Variants in SLC9B1 observed in about 807,000 individuals in gnomAD.
SLC9B1 encodes the protein sodium/hydrogen exchanger 9B1.
A neutral mutation model predicts 51.7 loss-of-function variants in SLC9B1; 32 were observed. The ratio of observed to expected loss-of-function variants is 0.62; its 90% CI spans 0.47 to 0.83. The LOEUF (loss-of-function observed/expected upper bound fraction) is 0.83. Among genes scored for constraint, SLC9B1 ranks in the 40% least tolerant of loss-of-function variants. The pLI is 0.00. For missense variants in SLC9B1, 406 were observed against 613.2 expected (o/e 0.66, Z 3.57); for synonymous variants, 145 against 212.7 (o/e 0.68, Z 2.77).
downstream of SLC9B1, among the ~76,000 whole-genome samples, chr4:102,895,995 G>T (rs1156829095): frequency 6.6e-6 from 1 of 152,116 alleles, no homozygotes; most frequent in African/African-American, 2.4e-5. Context: ...GTTAAACATT[G>T]CCCAGACATG....
intron 3 of SLC9B1, chr4:102,962,293 T>C (rs535660676): frequency 5.6e-6 from 3 of 539,802 alleles, no homozygotes; most frequent in South Asian, 4.1e-5. Context: ...TTGATAAATC[T>C]ATGTATGCTA....
intron 3 of SLC9B1, among the ~76,000 whole-genome samples, chr4:102,976,236 G>A (rs1206423225): frequency 1.3e-5 from 2 of 152,158 alleles, no homozygotes; most frequent in East Asian, 1.9e-4. Context: ...AGTTACGGTC[G>A]TTTTCATACT....
chr4:102,974,392 A>G (rs1444017690), intron 3 of SLC9B1, among the ~76,000 whole-genome samples: 2 of 151,968 alleles, frequency 1.3e-5, no homozygotes, highest in Non-Finnish European at 2.9e-5. Flanking sequence ...TTCTTTGAAA[A>G]GAATAATAAA....
intron 3 of SLC9B1, among the ~76,000 whole-genome samples, chr4:102,974,134 G>T (rs1257639369): frequency 6.6e-6 from 1 of 151,132 alleles, no homozygotes; most frequent in Non-Finnish European, 1.5e-5. Flanking sequence ...CTACTCAGGA[G>T]GCTGAGGCAG....
At chr4:102,980,252 C>A (rs1178478787) in intron 3 of SLC9B1, among the ~76,000 whole-genome samples, 1 of 152,096 alleles carries the variant, frequency 6.6e-6, no homozygotes, top group African/African-American at 2.4e-5. Flanking sequence ...TGGGTATATA[C>A]CCAAAGGAAT....
At chr4:102,897,957 A>G (rs1240401983), downstream of SLC9B1, 1 of 376,526 alleles carries the variant, frequency 2.7e-6, no homozygotes, top group Non-Finnish European at 5.2e-6. Flanking sequence ...GTTCATGTAG[A>G]AGGTCAAGAA....
chr4:102,892,106 TG>T (rs1433517903), intron 11 of SLC9B1: 1 of 152,224 alleles, frequency 6.6e-6, no homozygotes, highest in Non-Finnish European at 1.5e-5. Context: ...TCACCCAGGC[TG>T]GAGTGCGGGG....
At chr4:102,902,190 T>C (rs1350298914) in intron 11 of SLC9B1, among the ~76,000 whole-genome samples, 1 of 152,150 alleles carries the variant, frequency 6.6e-6, no homozygotes, top group African/African-American at 2.4e-5. Context: ...TCTTTGTGTT[T>C]AATAATCTAG....
intron 3 of SLC9B1, among the ~76,000 whole-genome samples, chr4:102,975,178 AG>A (rs1738986799): frequency 6.6e-6 from 1 of 151,962 alleles, no homozygotes; most frequent in African/African-American, 2.4e-5. Context: ...ATTTTAAAAA[AG>A]TTTTTATTTT....
intron 6 of SLC9B1, among the ~76,000 whole-genome samples, chr4:102,935,014 C>T (rs575219577): frequency 1.3e-5 from 2 of 151,898 alleles, no homozygotes; most frequent in South Asian, 2.1e-4. Flanking sequence ...TGTGTATTGG[C>T]AATTCTGTCT....
At chr4:103,016,949 T>G (rs1156714602) in intron 1 of SLC9B1, 1 of 152,214 alleles carries the variant, frequency 6.6e-6, no homozygotes, top group East Asian at 1.9e-4. Flanking sequence ...CCTTGCACTC[T>G]GCACAGAGCT....
chr4:102,913,322 C>A (rs1218689315), intron 7 of SLC9B1, among the ~76,000 whole-genome samples: 2 of 152,132 alleles, frequency 1.3e-5, no homozygotes, highest in South Asian at 2.1e-4. Context: ...ACCTGCAGTG[C>A]CACAGACAGA....
In SLC9B1 at chr4:102,945,287, A is replaced by G. The variant is rs1305410467; in HGVS notation, c.559T>C (p.Leu187=). 1.3e-6 allele frequency: 2 copies of G among 1,599,294 alleles called. No homozygotes were observed. Among genetic ancestry groups the G allele is most frequent in the South Asian group, 1.1e-5 (1 of 88,676 alleles). The change falls in exon 6 of 12, where the codon TTG becomes CTG. Residue 187 remains leucine (L), a synonymous_variant. Coordinates refer to ENST00000296422, the MANE Select transcript of SLC9B1 (RefSeq NM_139173.4). Reference sequence around the variant, plus strand: ...TCCATAAGGCATGGACCTACAGCCAATCTGAAACAAACGACCTTCAAATGC... The same window carrying G: ...TCCATAAGGCATGGACCTACAGCCAGTCTGAAACAAACGACCTTCAAATGC... ...LRHLKVVCFR[L]AVGPCLMEAS...
At chr4:102,951,121 T>G (rs1331492245) in intron 3 of SLC9B1, among the ~76,000 whole-genome samples, 2 of 152,214 alleles carry the variant, frequency 1.3e-5, no homozygotes, top group African/African-American at 4.8e-5. Flanking sequence ...TGGCAAAGTC[T>G]TTTTTGAGAA....
chr4:102,961,399 T>C (rs1284438713), intron 3 of SLC9B1, among the ~76,000 whole-genome samples: 1 of 152,280 alleles, frequency 6.6e-6, no homozygotes, highest in Non-Finnish European at 1.5e-5. Context: ...CTGTCTCAAA[T>C]CTCCCCAGCC....
At chr4:102,926,299 G>C (rs1736170474) in intron 7 of SLC9B1, among the ~76,000 whole-genome samples, 1 of 152,194 alleles carries the variant, frequency 6.6e-6, no homozygotes, top group African/African-American at 2.4e-5. Context: ...AAAAGAGGAA[G>C]TCAAATTGTC....
intron 1 of SLC9B1, among the ~76,000 whole-genome samples, chr4:102,992,822 A>G (rs1014792856): frequency 7.2e-5 from 11 of 152,322 alleles, no homozygotes; most frequent in Admixed American, 6.5e-4. Context: ...TATAAAGGAA[A>G]GAGGTTGAAT....
intron 7 of SLC9B1, among the ~76,000 whole-genome samples, chr4:102,928,728 G>A (rs1225776582): frequency 2.0e-5 from 3 of 151,974 alleles, no homozygotes; most frequent in Admixed American, 1.3e-4. Context: ...CCCACAACAC[G>A]TCTGCAAGTT....
intron 3 of SLC9B1, among the ~76,000 whole-genome samples, chr4:102,961,585 G>C (rs1345684850): frequency 6.6e-6 from 1 of 152,108 alleles, no homozygotes; most frequent in Non-Finnish European, 1.5e-5. Context: ...CTCTTTTCTT[G>C]TATTTCCCTT....
Sources: gnomAD v4.1 joint callset for allele counts (sites outside exome capture counted in the v4.1 genomes callset) on GRCh38, gnomAD v4.1.1 for gene constraint, MANE v1.5 for transcripts, NCBI Gene and HGNC (gene_info 2026-07-23, HGNC 2026-07-21) for gene names.